ARHGEF28: variants seen among roughly 807,000 people sequenced by gnomAD.
ARHGEF28 encodes the protein Rho guanine nucleotide exchange factor 28.
In ARHGEF28, 152 loss-of-function variants were observed where a neutral mutation model predicts 206.6. The observed-to-expected ratio is 0.74, with a 90% confidence interval of 0.64 to 0.84. The LOEUF is 0.84. Ranked by LOEUF, ARHGEF28 falls within the 40% of genes least tolerant of loss-of-function variation. The pLI is 0.00. For missense variants in ARHGEF28, 2,028 were observed against 2,073.2 expected (o/e 0.98, Z 0.42); for synonymous variants, 763 against 776.4 (o/e 0.98, Z 0.29).
chr5:73,791,095 TCCA>T (rs892615992), intron 7 of ARHGEF28, among the ~76,000 whole-genome samples: 18 of 152,342 alleles, frequency 1.2e-4, no homozygotes, highest in Middle Eastern at 3.4e-3. Flanking sequence ...TGTCTAACCA[TCCA>T]CCACATCTTG....
chr5:73,753,234 C>T lies in ARHGEF28; in HGVS notation c.475+32C>T, dbSNP rs1024698044. ...CATCACCAGAAAATTCAGATATCCC[C>T]TCTGTGTGTCAAGTTCAGAATGTAC... On this transcript the variant is annotated intron_variant, in intron 4 of 35. Coordinates refer to ENST00000513042, the MANE Select transcript of ARHGEF28 (RefSeq NM_001177693.2). 4 of 1,510,652 alleles carry T rather than the reference C, an allele frequency of 2.6e-6. No homozygotes were observed. The African/African-American group carries it at 5.6e-5, about 21-fold the overall frequency. 93.6% of individuals were successfully genotyped at this position (1,510,652 alleles called of 1,614,324 possible).
At chr5:73,766,012 C>T (rs926522772) in intron 4 of ARHGEF28, among the ~76,000 whole-genome samples, 5 of 151,944 alleles carry the variant, frequency 3.3e-5, no homozygotes, top group Admixed American at 6.6e-5. Context: ...ATTAGCCAGG[C>T]GCAGTGGCGG....
At chr5:73,708,673 G>A (rs1456544236) in intron 2 of ARHGEF28, among the ~76,000 whole-genome samples, 1 of 152,134 alleles carries the variant, frequency 6.6e-6, no homozygotes, top group African/African-American at 2.4e-5. Context: ...AAACATACAA[G>A]TGCATGTATA....
At chr5:73,717,709 T>C (rs748049204) in intron 2 of ARHGEF28, among the ~76,000 whole-genome samples, 10 of 152,122 alleles carry the variant, frequency 6.6e-5, no homozygotes, top group Admixed American at 3.3e-4. Flanking sequence ...AGAGAGCTCA[T>C]AGATAAGGTA....
chr5:73,699,657 G>A (rs1748474023), intron 2 of ARHGEF28, among the ~76,000 whole-genome samples: 1 of 152,100 alleles, frequency 6.6e-6, no homozygotes, highest in African/African-American at 2.4e-5. Context: ...GAAAATCTGG[G>A]TTACTGAAAC....
rs927005208 is a variant in ARHGEF28 at position 73,680,626 on chromosome 5, G to C, written c.-11-4215G>C. 3.3e-5 allele frequency among the ~76,000 whole-genome samples: 5 copies of C among 151,706 alleles called. No individual in the cohort carries two copies. In the East Asian group the frequency reaches 9.7e-4, roughly 29 times the overall value. On this transcript the variant is annotated intron_variant, in intron 1 of 35. Coordinates refer to ENST00000513042, the MANE Select transcript of ARHGEF28 (RefSeq NM_001177693.2). ...AATCACCACTAAAGAACTTATCTAT[G>C]TAACGAGACACCACCTGTTTCTCCA...
chr5:73,932,133 C>G lies in ARHGEF28; in HGVS notation c.4949-8711C>G, dbSNP rs571810175. ...TTTTTATCAGTATTGAGAAGTGGCC[C>G]AAGTATTATGTTGGAAATAACAGAG... On this transcript the variant is annotated intron_variant, in intron 35 of 35. Coordinates refer to ENST00000513042, the MANE Select transcript of ARHGEF28 (RefSeq NM_001177693.2). 7.2e-5 allele frequency among the ~76,000 whole-genome samples: 11 copies of G among 152,154 alleles called. No homozygotes were observed. The South Asian group carries it at 2.3e-3, about 32-fold the overall frequency.
At chr5:73,789,743 C>G (rs564796620) in intron 7 of ARHGEF28, among the ~76,000 whole-genome samples, 3 of 151,918 alleles carry the variant, frequency 2.0e-5, no homozygotes, top group South Asian at 2.1e-4. Context: ...CACATTGGTT[C>G]TCCTTGCCCA....
At chr5:73,820,911 AG>A (rs939523967) in intron 9 of ARHGEF28, among the ~76,000 whole-genome samples, 3 of 152,030 alleles carry the variant, frequency 2.0e-5, no homozygotes, top group Non-Finnish European at 4.4e-5. Context: ...CATGATGGTG[AG>A]GGGTAGCCTG....
At chr5:73,779,251 T>C (rs1320167541) in intron 6 of ARHGEF28, among the ~76,000 whole-genome samples, 2 of 152,292 alleles carry the variant, frequency 1.3e-5, no homozygotes. Context: ...TATTAGGAAA[T>C]TAAATAATAG....
rs1431136585 is a variant in ARHGEF28, at chr5:73,909,430, G to T, written c.4180G>T (p.Asp1394Tyr). The change falls in exon 34 of 36, where the codon GAC becomes TAC. Residue 1394 changes from aspartate (D) to tyrosine (Y), a missense_variant. Physicochemically the swap from Asp to Tyr is radical, Grantham distance 160. Coordinates refer to ENST00000513042, the MANE Select transcript of ARHGEF28 (RefSeq NM_001177693.2). Reference protein sequence around the residue: ...YSLQAALTIQDSHIEIHRLVL... With the variant: ...YSLQAALTIQYSHIEIHRLVL... ...CTGACAGGCCGCCTTGACCATTCAGGACAGCCACATTGAGATCCACAGGCT... is the reference window on the plus strand; with the variant it reads ...CTGACAGGCCGCCTTGACCATTCAGTACAGCCACATTGAGATCCACAGGCT... The T allele has an allele frequency of 1.2e-5, 19 of 1,609,808 alleles. No homozygotes were observed. The highest frequency in any genetic ancestry group is 1.6e-5 in the Non-Finnish European group (19 of 1,177,358).
In ARHGEF28 at chr5:73,852,638, T is replaced by A; in HGVS notation, c.1748-12T>A. ...TGCCTTAGTTTTCATTTTATTGTTCTGTGTCTTGTAGAGCAAAGAGCTTAC... is the reference window on the plus strand; with the variant it reads ...TGCCTTAGTTTTCATTTTATTGTTCAGTGTCTTGTAGAGCAAAGAGCTTAC... On this transcript the variant is annotated splice_polypyrimidine_tract_variant and intron_variant, in intron 13 of 35. Transcript: ENST00000513042. 1.2e-6 allele frequency: 2 copies of A among 1,613,362 alleles called. No homozygotes were observed. The highest frequency in any genetic ancestry group is 1.7e-6 in the Non-Finnish European group (2 of 1,179,450).
chr5:73,872,879 T>C (rs1253569673), intron 21 of ARHGEF28, 120 bp from the exon 22 acceptor site: 2 of 1,150,854 alleles, frequency 1.7e-6, no homozygotes, highest in Non-Finnish European at 2.4e-6. Context: ...ATATTCTTGA[T>C]ATTCCTAAAC....
intron 1 of ARHGEF28, among the ~76,000 whole-genome samples, chr5:73,679,290 G>A (rs1290983622): frequency 6.6e-6 from 1 of 152,190 alleles, no homozygotes; most frequent in Non-Finnish European, 1.5e-5. Flanking sequence ...TTACTGGCTG[G>A]GCATGGTGGC....
intron 9 of ARHGEF28, among the ~76,000 whole-genome samples, chr5:73,799,536 C>T (rs146989545): frequency 3.9e-5 from 6 of 152,188 alleles, no homozygotes; most frequent in Admixed American, 1.3e-4. Flanking sequence ...GTTCTTTCAT[C>T]GAATAATATG....
At chr5:73,768,230 A>C (rs1423202001) in intron 4 of ARHGEF28, among the ~76,000 whole-genome samples, 2 of 152,184 alleles carry the variant, frequency 1.3e-5, no homozygotes, top group Admixed American at 6.5e-5. Flanking sequence ...CAGAGTTCCT[A>C]CTGGGACACT....
chr5:73,798,245 TTTAAG>T (rs1754935588), intron 9 of ARHGEF28, among the ~76,000 whole-genome samples: 1 of 152,332 alleles, frequency 6.6e-6, no homozygotes, highest in African/African-American at 2.4e-5. Flanking sequence ...AGTTACACTC[TTTAAG>T]TTATTTTAAA....
chr5:73,873,897 C>T (rs1217089005), intron 22 of ARHGEF28, among the ~76,000 whole-genome samples: 2 of 146,274 alleles, frequency 1.4e-5, no homozygotes, highest in Non-Finnish European at 3.1e-5. Context: ...CCCAGGAATG[C>T]AATTTCTGGG....
chr5:73,915,069 T>G (rs1405061045), intron 35 of ARHGEF28, among the ~76,000 whole-genome samples: 1 of 152,248 alleles, frequency 6.6e-6, no homozygotes, highest in Non-Finnish European at 1.5e-5. Flanking sequence ...GAAGTTGGTT[T>G]AGATATAGAA....
Sources: allele counts gnomAD v4.1 joint callset (sites outside exome capture counted in the v4.1 genomes callset), GRCh38; gene constraint gnomAD v4.1.1; transcripts MANE v1.5; gene names NCBI Gene and HGNC (gene_info 2026-07-23, HGNC 2026-07-21).